LRP6: variants seen among roughly 807,000 people sequenced by gnomAD.
LRP6 encodes low-density lipoprotein receptor-related protein 6.
Under a neutral mutation model 184.1 loss-of-function variants are expected in LRP6, and 43 were observed. That is an observed-to-expected ratio of 0.23 (90% CI 0.18 to 0.30). The LOEUF (loss-of-function observed/expected upper bound fraction) is 0.30. Ranked by LOEUF, LRP6 falls within the 10% of genes least tolerant of loss-of-function variation. LRP6 has a pLI of 1.00. For missense variants in LRP6, 1,571 were observed against 2,005.3 expected (o/e 0.78, Z 4.14); for synonymous variants, 719 against 684.9 (o/e 1.05, Z -0.78).
intron 2 of LRP6, among the ~76,000 whole-genome samples, chr12:12,235,862 G>A (rs1292290237): frequency 2.6e-5 from 4 of 152,198 alleles, no homozygotes; most frequent in African/African-American, 7.2e-5. Context: ...GATTCAAGGA[G>A]TGGAACAGAA....
chr12:12,202,550 T>C (rs1379724492), intron 3 of LRP6, among the ~76,000 whole-genome samples: 4 of 152,080 alleles, frequency 2.6e-5, no homozygotes, highest in Middle Eastern at 3.2e-3. Context: ...CTAAAATAAA[T>C]ACGTAAATAA....
chr12:12,227,555 G>A (rs1591966390), intron 2 of LRP6, among the ~76,000 whole-genome samples: 1 of 151,854 alleles, frequency 6.6e-6, no homozygotes, highest in East Asian at 1.9e-4. Context: ...TTACAGGCAC[G>A]CACCACCATG....
rs549906449 is a variant in LRP6 at position 12,175,155 on chromosome 12, G to T, written c.1545+4655C>A. Among the ~76,000 whole-genome samples the T allele has an allele frequency of 2.4e-3, 372 of 152,300 alleles. 3 individuals carry two copies. Among genetic ancestry groups the T allele is most frequent in the African/African-American group, 8.7e-3 (362 of 41,574 alleles). On this transcript the variant is annotated intron_variant, in intron 7 of 22. Transcript: ENST00000261349. ...TATAATCCCAACACTTTGGCAGGCC[G>T]AGGTGGGTGGATCATTTGAGGTCAG... is the stretch of plus-strand genomic sequence containing the variant.
chr12:12,185,290 A>T (rs1380140487), intron 4 of LRP6, among the ~76,000 whole-genome samples: 11 of 152,158 alleles, frequency 7.2e-5, no homozygotes, highest in Admixed American at 7.2e-4. Flanking sequence ...CTATCTCAAA[A>T]AACAAACAAA....
Position 12,266,093 on chromosome 12 carries a change from A to G in LRP6, c.55+588T>C, listed in dbSNP as rs560157505. Among the ~76,000 whole-genome samples, 45 of 152,258 alleles carry G rather than the reference A, an allele frequency of 3.0e-4. No individual in the cohort carries two copies. In the East Asian group the frequency reaches 8.1e-3, roughly 27 times the overall value. ...TGGGCTGAAGCTCAGAAGGCTCCCA[A>G]TGCTGAAACGCTCGACCTATAACCC... On this transcript the variant is annotated intron_variant, in intron 1 of 22. Coordinates refer to ENST00000261349, the MANE Select transcript of LRP6 (RefSeq NM_002336.3).
At position 12,177,584 on chromosome 12, in the gene LRP6, G is replaced by T. The variant is rs187107676; in HGVS notation, c.1545+2226C>A. On this transcript the variant is annotated intron_variant, in intron 7 of 22. Coordinates refer to ENST00000261349, the MANE Select transcript of LRP6 (RefSeq NM_002336.3). ...TCTTTCTTTAGTTTGCCAAGTATCA[G>T]ATTTTACATCAACATAAGAAGAGAA... Among the ~76,000 whole-genome samples the T allele has an allele frequency of 1.8e-4, 28 of 152,250 alleles. No individual in the cohort carries two copies. In the East Asian group the frequency reaches 4.8e-3, roughly 26 times the overall value.
At chr12:12,147,977 A>AATAT (rs374181876) in intron 14 of LRP6, among the ~76,000 whole-genome samples, 1 of 148,042 alleles carries the variant, frequency 6.8e-6, no homozygotes, top group African/African-American at 2.5e-5. Context: ...CTTGTATCCA[A>AATAT]ATATATATAT....
rs950524600 is a variant in LRP6 at position 12,179,847 on chromosome 12, T to C, written c.1508A>G (p.Lys503Arg). 1.9e-6 allele frequency: 3 copies of C among 1,613,804 alleles called. No individual in the cohort carries two copies. The highest frequency in any genetic ancestry group is 1.1e-5 in the South Asian group (1 of 91,080). The change falls in exon 7 of 23, where the codon AAA (lysine) becomes AGA (arginine). Residue 503 changes from lysine (K) to arginine (R), a missense_variant. Lys to Arg is a conservative substitution (Grantham distance 26). Transcript: ENST00000261349. ...TGTTTTGGCATCTCCCCAGTATATT[T>C]TGCCTTCATCATAATCCAAGGCTAA... ...NGLALDYDEG[K>R]IYWGDAKTDK...
rs59316889 is a variant in LRP6 at position 12,238,001 on chromosome 12, T to C, written c.449+6261A>G. ...TAGGGAAGCTGGGTGAAAGTTACACTAGAGCTATGTACAATTTTTGCAACT... is the reference window on the plus strand; with the variant it reads ...TAGGGAAGCTGGGTGAAAGTTACACCAGAGCTATGTACAATTTTTGCAACT... On this transcript the variant is annotated intron_variant, in intron 2 of 22. Transcript: ENST00000261349. Among the ~76,000 whole-genome samples the C allele has an allele frequency of 9.6e-3, 1,463 of 152,314 alleles. 19 individuals carry two copies. The highest frequency in any genetic ancestry group is 0.033 in the African/African-American group (1,388 of 41,576).
At position 12,179,868 on chromosome 12, in the gene LRP6, G is replaced by C. The variant is rs1863299815; in HGVS notation, c.1487C>G (p.Ala496Gly). 3 of 1,613,710 alleles carry C rather than the reference G, an allele frequency of 1.9e-6. No individual in the cohort carries two copies. The highest frequency in any genetic ancestry group is 1.1e-5 in the South Asian group (1 of 91,070). Residue 496 changes from alanine to glycine, a missense_variant, in exon 7 of 23, where the codon GCC (alanine) becomes GGC (glycine). By Grantham distance (60) the Ala-to-Gly change is moderately conservative. This residue lies in a region of LRP6 where 640 missense variants were observed against 851.9 expected (regional missense o/e 0.75). Coordinates refer to ENST00000261349, the MANE Select transcript of LRP6 (RefSeq NM_002336.3). Reference sequence around the variant, plus strand: ...TATTTTGCCTTCATCATAATCCAAGGCTAAACCATTTGGCCAACCAAGAGA... The same window carrying C: ...TATTTTGCCTTCATCATAATCCAAGCCTAAACCATTTGGCCAACCAAGAGA... Reference protein sequence around the residue: ...NTSLGWPNGLALDYDEGKIYW... With the variant: ...NTSLGWPNGLGLDYDEGKIYW...
At position 12,186,129 on chromosome 12, in the gene LRP6, G is replaced by A. The variant is rs150451661; in HGVS notation, c.844+794C>T. 9.2e-3 allele frequency among the ~76,000 whole-genome samples: 1,405 copies of A among 152,132 alleles called. 10 individuals are homozygous for A. The highest frequency in any genetic ancestry group is 0.017 in the South Asian group (83 of 4,822). On this transcript the variant is annotated intron_variant, in intron 4 of 22. Transcript: ENST00000261349. ...TCCCAAAGTGTGGGATTACAGGCAT[G>A]AGCCACCGCGCCTGGCCCAAGAGTT...
intron 7 of LRP6, among the ~76,000 whole-genome samples, chr12:12,174,673 G>C (rs1248900502): frequency 6.6e-6 from 1 of 152,250 alleles, no homozygotes; most frequent in East Asian, 1.9e-4. Context: ...GAATACTTGG[G>C]AAACAAATTT....
intron 22 of LRP6, among the ~76,000 whole-genome samples, chr12:12,123,922 T>C: frequency 6.6e-6 from 1 of 152,212 alleles, no homozygotes; most frequent in East Asian, 1.9e-4. Context: ...AAACTCTCAA[T>C]TCTATGAACC....
In LRP6 at chr12:12,219,378, G is replaced by A. The variant is rs2541283; in HGVS notation, c.450-15978C>T. ...CCGCCACCACGCCTGGCTAATTTTT[G>A]TATTTTTAGTAGAGATGAGGTTTCC... On this transcript the variant is annotated intron_variant, in intron 2 of 22. Transcript: ENST00000261349. 1.6e-4 allele frequency among the ~76,000 whole-genome samples: 25 copies of A among 152,080 alleles called. 1 individual carries two copies. The highest frequency in any genetic ancestry group is 5.3e-4 in the African/African-American group (22 of 41,506).
chr12:12,254,947 A>C (rs1865424211), intron 1 of LRP6, among the ~76,000 whole-genome samples: 1 of 152,232 alleles, frequency 6.6e-6, no homozygotes, highest in Non-Finnish European at 1.5e-5. Flanking sequence ...CTCAAGAGGC[A>C]TTTTAAAGTC....
chr12:12,248,259 ATTGTT>A (rs923244610), intron 1 of LRP6, among the ~76,000 whole-genome samples: 6 of 151,998 alleles, frequency 3.9e-5, no homozygotes, highest in African/African-American at 1.2e-4. Context: ...GTTCCTTGCT[ATTGTT>A]TTGTTTTAAT....
intron 15 of LRP6, among the ~76,000 whole-genome samples, chr12:12,145,827 T>G (rs1325678575): frequency 4.0e-5 from 6 of 151,842 alleles, no homozygotes; most frequent in Non-Finnish European, 7.4e-5. Context: ...AGACAGCATT[T>G]TGCCATGTTG....
intron 16 of LRP6, among the ~76,000 whole-genome samples, 166 bp from the exon 17 acceptor site, chr12:12,135,466 TTTTTAC>T (rs1949824667): frequency 7.4e-6 from 1 of 135,986 alleles, no homozygotes; most frequent in Admixed American, 8.2e-5. Context: ...TTATGGACTT[TTTTTAC>T]TTTTATCATT....
intron 2 of LRP6, among the ~76,000 whole-genome samples, chr12:12,239,667 C>CT (rs751475862): frequency 1.3e-3 from 181 of 143,792 alleles, no homozygotes; most frequent in Middle Eastern, 7.2e-3. Context: ...TATTCTTTTT[C>CT]TTTTTTTTTT....
Sources: gnomAD v4.1 joint callset for allele counts (sites outside exome capture counted in the v4.1 genomes callset) on GRCh38, gnomAD v4.1.1 for gene constraint, gnomAD v4.1.1 regional missense constraint, MANE v1.5 for transcripts, NCBI Gene and HGNC (gene_info 2026-07-23, HGNC 2026-07-21) for gene names.